Variants in MBP observed in about 807,000 individuals in gnomAD.
MBP encodes myelin basic protein.
MBP carries 16 observed loss-of-function variants against 35.8 expected under a neutral mutation model. That is an observed-to-expected ratio of 0.45 (90% CI 0.30 to 0.68). MBP has a LOEUF of 0.68. MBP is among the 30% of genes least tolerant of loss of function. The probability of loss-of-function intolerance (pLI) is 0.08; values close to 1 mark genes in which losing one functional copy is unlikely to be tolerated. For synonymous variants in MBP, 143 were observed against 159.6 expected (o/e 0.90, Z 0.78); for missense variants, 380 against 404.7 (o/e 0.94, Z 0.52).
rs1051654571 is a variant in MBP, at chr18:77,131,883, G to A, written c.-26+697C>T. Among the ~76,000 whole-genome samples, 9 of 152,192 alleles carry A rather than the reference G, an allele frequency of 5.9e-5. No homozygotes were observed. The highest frequency in any genetic ancestry group is 4.8e-5 in the African/African-American group (2 of 41,564). ...GCGGCGCACGTGGGCCCAGGTGGGC[G>A]CAGCGACGGGCCCGGCCGAAGAGCC... is the stretch of plus-strand genomic sequence containing the variant. On this transcript the variant is annotated intron_variant, in intron 1 of 8. Transcript: ENST00000355994. This position sits in a 1 kb window ranked among gnomAD's most constrained non-coding sequence, Gnocchi z 5.5.
chr18:76,996,715 G>A (rs1970289900), intron 4 of MBP, among the ~76,000 whole-genome samples: 1 of 152,112 alleles, frequency 6.6e-6, no homozygotes, highest in Non-Finnish European at 1.5e-5. Context: ...GGGAGTGGAG[G>A]GAGGGTGCAG....
In MBP at chr18:77,132,735, G is replaced by C. The variant is rs1337477692; in HGVS notation, c.-181C>G. The C allele has an allele frequency of 3.3e-5, 5 of 151,984 alleles. No homozygotes were observed. Among genetic ancestry groups the C allele is most frequent in the African/African-American group, 1.2e-4 (5 of 41,324 alleles). The allele number at this position is 151,984 out of a possible 1,614,324, so 9.4% of individuals were successfully genotyped here. A position where few individuals can be genotyped will look rare whatever the true frequency, so the allele number is the denominator to read the frequency against. The stretch of plus-strand genomic sequence containing the variant: ...CGCCTTCCGGGGTCGGGAGACAGGG[G>C]CCGCCGGGGCCGGAGGCTGCTTCTC... On this transcript the variant is annotated 5_prime_UTR_variant, in exon 1 of 9. Transcript: ENST00000355994.
At chr18:76,986,068 G>A (rs1969542005) in intron 7 of MBP, 3 of 985,670 alleles carry the variant, frequency 3.0e-6, no homozygotes, top group Non-Finnish European at 3.6e-6. Context: ...GTGGGAGTCT[G>A]GGCGCGGTGG....
chr18:77,056,598 G>A (rs974854114), intron 3 of MBP, among the ~76,000 whole-genome samples: 8 of 152,070 alleles, frequency 5.3e-5, no homozygotes, highest in Non-Finnish European at 1.0e-4. Flanking sequence ...GCCTCCATCC[G>A]ATGTCCTCCA....
chr18:76,987,975 A>G, intron 7 of MBP: 1 of 1,230,618 alleles, frequency 8.1e-7, no homozygotes. Context: ...TATTATTTAA[A>G]CACATACAAA....
At chr18:77,089,950 G>C (rs1422841071) in intron 2 of MBP, among the ~76,000 whole-genome samples, 1 of 152,132 alleles carries the variant, frequency 6.6e-6, no homozygotes, top group Non-Finnish European at 1.5e-5. Flanking sequence ...GCTGTGACAG[G>C]ATAGTCAGAC....
At chr18:77,033,197 G>T (rs1972604662) in intron 3 of MBP, among the ~76,000 whole-genome samples, 1 of 151,978 alleles carries the variant, frequency 6.6e-6, no homozygotes, top group Admixed American at 6.6e-5. Flanking sequence ...TGAACTCCTG[G>T]GCTGAAGTCA....
At chr18:77,105,034 A>C (rs1976210706) in intron 2 of MBP, among the ~76,000 whole-genome samples, 177 bp downstream of exon 2, 1 of 114,864 alleles carries the variant, frequency 8.7e-6, no homozygotes, top group Admixed American at 1.1e-4. Context: ...ATTAATAATC[A>C]ATCGTAATAA....
intron 2 of MBP, among the ~76,000 whole-genome samples, chr18:77,099,681 G>A (rs1305660695): frequency 6.6e-6 from 1 of 152,214 alleles, no homozygotes; most frequent in Admixed American, 6.5e-5. Flanking sequence ...CTCAGTGCCT[G>A]GGAGAATGAA....
intron 8 of MBP, 103 bp downstream of exon 8, chr18:76,984,672 T>C: frequency 6.6e-7 from 1 of 1,520,142 alleles, no homozygotes; most frequent in South Asian, 1.1e-5. Context: ...CAGGGTACAG[T>C]GCGGCTGAGC....
At chr18:77,021,083 C>T (rs1363361853) in intron 3 of MBP, among the ~76,000 whole-genome samples, 2 of 152,180 alleles carry the variant, frequency 1.3e-5, no homozygotes, top group East Asian at 1.9e-4. Flanking sequence ...GAGAAAGAGT[C>T]CTCCACCCTC....
intron 3 of MBP, among the ~76,000 whole-genome samples, chr18:77,046,217 G>A (rs555626415): frequency 6.6e-6 from 1 of 152,218 alleles, no homozygotes; most frequent in Non-Finnish European, 1.5e-5. Context: ...CGTCCTGAGA[G>A]TGTCAGAGAT....
intron 3 of MBP, 127 bp downstream of exon 3, chr18:77,066,171 T>C (rs150913461): frequency 1.7e-4 from 118 of 680,630 alleles, no homozygotes; most frequent in African/African-American, 1.6e-3. Context: ...CTCTATGTTT[T>C]AGTAATGAGT....
intron 3 of MBP, among the ~76,000 whole-genome samples, chr18:77,043,737 C>G (rs1255572845): frequency 6.6e-6 from 1 of 152,172 alleles, no homozygotes; most frequent in Non-Finnish European, 1.5e-5. Flanking sequence ...TTTGCTGTTG[C>G]GGCGTGGTGA....
chr18:77,009,539 G>C (rs1172716939), intron 4 of MBP, among the ~76,000 whole-genome samples: 2 of 152,206 alleles, frequency 1.3e-5, no homozygotes, highest in African/African-American at 2.4e-5. Flanking sequence ...TTCAGGCCTC[G>C]GCAAAGTGAG....
chr18:77,127,017 C>G (rs965334964), intron 1 of MBP, among the ~76,000 whole-genome samples: 1 of 152,096 alleles, frequency 6.6e-6, no homozygotes, highest in African/African-American at 2.4e-5. Context: ...GTTTTTGCAC[C>G]CATAAACGCG....
intron 3 of MBP, among the ~76,000 whole-genome samples, chr18:77,048,497 C>A (rs879763215): frequency 2.0e-5 from 3 of 152,076 alleles, no homozygotes; most frequent in Non-Finnish European, 4.4e-5. Context: ...GAGATGGAGT[C>A]TCGCTCTGTC....
chr18:77,043,210 T>C (rs1973086653), intron 3 of MBP, among the ~76,000 whole-genome samples: 1 of 152,170 alleles, frequency 6.6e-6, no homozygotes, highest in South Asian at 2.1e-4. Flanking sequence ...TTCATGAAAA[T>C]TCTAACTTAA....
At chr18:77,013,797 A>T in intron 4 of MBP, 2 of 985,458 alleles carry the variant, frequency 2.0e-6, no homozygotes, top group Non-Finnish European at 2.4e-6. Context: ...TTTGGGAACT[A>T]TCCAAGTGGC....
Sources: allele counts gnomAD v4.1 joint callset (sites outside exome capture counted in the v4.1 genomes callset), GRCh38; gene constraint gnomAD v4.1.1; non-coding constraint Gnocchi (gnomAD v3.1); transcripts MANE v1.5; gene names NCBI Gene and HGNC (gene_info 2026-07-23, HGNC 2026-07-21).